Variants in HDAC9 observed in about 807,000 individuals in gnomAD.
HDAC9 encodes the protein histone deacetylase 9.
HDAC9 carries 41 observed loss-of-function variants against 139.4 expected under a neutral mutation model. The observed-to-expected ratio is 0.29, with a 90% confidence interval of 0.23 to 0.38. The LOEUF (loss-of-function observed/expected upper bound fraction) is 0.38. Among genes scored for constraint, HDAC9 ranks in the 10% least tolerant of loss-of-function variants. The pLI, the probability that HDAC9 is intolerant of heterozygous loss-of-function variation, is 1.00. For missense variants in HDAC9, 1,147 were observed against 1,297.0 expected (o/e 0.88, Z 1.78); for synonymous variants, 517 against 476.2 (o/e 1.09, Z -1.12).
At chr7:18,422,509 C>G (rs942524794) in intron 1 of HDAC9, among the ~76,000 whole-genome samples, 2 of 152,042 alleles carry the variant, frequency 1.3e-5, no homozygotes, top group African/African-American at 4.8e-5. Context: ...CAGTTTCTGT[C>G]CATGGACTAA....
chr7:18,965,583 G>A (rs1316417321), intron 24 of HDAC9, among the ~76,000 whole-genome samples: 1 of 152,198 alleles, frequency 6.6e-6, no homozygotes, highest in Non-Finnish European at 1.5e-5. Context: ...GAAAAGAAAT[G>A]AAGTGTCATT....
At chr7:18,756,082 C>A (rs914687784) in intron 14 of HDAC9, among the ~76,000 whole-genome samples, 1 of 152,000 alleles carries the variant, frequency 6.6e-6, no homozygotes, top group South Asian at 2.1e-4. Flanking sequence ...TCTGGGTGCC[C>A]AAATTGCACC....
At chr7:18,949,145 G>T in intron 23 of HDAC9, 1 of 277,152 alleles carries the variant, frequency 3.6e-6, no homozygotes, top group Non-Finnish European at 7.0e-6. Context: ...ATGGTTTTGA[G>T]TCTTTTTCAG....
chr7:18,934,436 A>G (rs892560806), intron 22 of HDAC9, among the ~76,000 whole-genome samples: 8 of 152,192 alleles, frequency 5.3e-5, no homozygotes, highest in African/African-American at 1.9e-4. Context: ...ATAATACATT[A>G]TGACCAAGCT....
At chr7:18,995,457 C>A (rs1301763979) in intron 25 of HDAC9, among the ~76,000 whole-genome samples, 1 of 152,196 alleles carries the variant, frequency 6.6e-6, no homozygotes, top group African/African-American at 2.4e-5. Flanking sequence ...GCAGATGATG[C>A]CGAATAAAAA....
At chr7:18,738,592 C>G (rs1452481407) in intron 13 of HDAC9, among the ~76,000 whole-genome samples, 1 of 152,214 alleles carries the variant, frequency 6.6e-6, no homozygotes, top group Admixed American at 6.5e-5. Context: ...TTGGCCTCCA[C>G]TCTCTTCTGG....
At chr7:18,789,311 GTCTC>G (rs562617790) in intron 16 of HDAC9, among the ~76,000 whole-genome samples, 6,253 of 112,410 alleles carry the variant, frequency 0.056, 270 homozygotes, top group African/African-American at 0.15. Context: ...CACACACACA[GTCTC>G]TCTCTCTCTC....
chr7:18,767,122 G>C lies in HDAC9; in HGVS notation c.2181G>C (p.Lys727Asn). Residue 727 changes from lysine (K) to asparagine (N), a missense_variant, in exon 16 of 26, where the codon AAG becomes AAC. Around this residue, in one of 7 missense-constraint regions of HDAC9, gnomAD observed 407 missense variants for 521.5 expected, o/e 0.78. Coordinates refer to ENST00000686413, the MANE Select transcript of HDAC9 (RefSeq NM_178425.4). ...ACTGTATAGGTGATGACTCTCAAAA[G>C]TTTTTTTCCTCATTACCTTGTGGTG... ...PRILLGDDSQ[K>N]FFSSLPCGGL... 6.4e-7 allele frequency: 1 copy of C among 1,573,004 alleles called. No individual in the cohort carries two copies. Among genetic ancestry groups the C allele is most frequent in the Non-Finnish European group, 8.7e-7 (1 of 1,154,272 alleles).
Position 18,998,900 on chromosome 7 carries a change from TAAA to T in HDAC9, c.*2841_*2843del, listed in dbSNP as rs1011171833. On this transcript the variant is annotated 3_prime_UTR_variant, in exon 26 of 26. Coordinates refer to ENST00000686413, the MANE Select transcript of HDAC9 (RefSeq NM_178425.4). ...CAAACGTAGGTATAAAAAGAAGGCT[TAAA>T]AATTAATTTTCCCAATTGTATAATT... 5.3e-5 allele frequency: 8 copies of T among 152,194 alleles called. No homozygotes were observed. Among genetic ancestry groups the T allele is most frequent in the Non-Finnish European group, 8.8e-5 (6 of 68,028 alleles). 9.4% of individuals were successfully genotyped at this position (152,194 alleles called of 1,614,324 possible). A position where few individuals can be genotyped will look rare whatever the true frequency, so the allele number is the denominator to read the frequency against.
chr7:18,964,349 C>G (rs1175026265), intron 24 of HDAC9, among the ~76,000 whole-genome samples: 1 of 152,102 alleles, frequency 6.6e-6, no homozygotes, highest in Non-Finnish European at 1.5e-5. Context: ...TTCTGATTAT[C>G]AGTTAAGATC....
intron 2 of HDAC9, among the ~76,000 whole-genome samples, chr7:18,221,789 A>G (rs1792725006): frequency 6.6e-6 from 1 of 152,084 alleles, no homozygotes; most frequent in Non-Finnish European, 1.5e-5. Context: ...TTTCTGAGGG[A>G]TATAATATCT....
chr7:18,453,021 T>G (rs771023390), intron 1 of HDAC9, among the ~76,000 whole-genome samples: 2 of 152,148 alleles, frequency 1.3e-5, no homozygotes. Context: ...TTTACCATGA[T>G]TTTGCTTTTT....
chr7:18,548,195 C>T (rs1437644531), intron 2 of HDAC9, among the ~76,000 whole-genome samples: 3 of 151,998 alleles, frequency 2.0e-5, no homozygotes, highest in Admixed American at 6.6e-5. Flanking sequence ...TCAGTGAAGT[C>T]GGAACACCAC....
intron 1 of HDAC9, among the ~76,000 whole-genome samples, chr7:18,380,514 A>C (rs145896700): frequency 6.6e-6 from 1 of 152,228 alleles, no homozygotes; most frequent in Non-Finnish European, 1.5e-5. Flanking sequence ...TTGGTGAAAC[A>C]GAAGAGAGTC....
At chr7:18,274,018 C>G (rs2108518) in intron 2 of HDAC9, among the ~76,000 whole-genome samples, 1 of 152,054 alleles carries the variant, frequency 6.6e-6, no homozygotes, top group Admixed American at 6.6e-5. Context: ...AAAATTTCAC[C>G]TATATATGTA....
At chr7:18,813,472 A>G (rs370868441) in intron 17 of HDAC9, among the ~76,000 whole-genome samples, 25 of 152,070 alleles carry the variant, frequency 1.6e-4, no homozygotes, top group Non-Finnish European at 3.4e-4. Context: ...GTTGTTTCCA[A>G]TTTTATGGGT....
chr7:18,257,243 A>G (rs879740364), intron 2 of HDAC9, among the ~76,000 whole-genome samples: 13 of 150,348 alleles, frequency 8.6e-5, no homozygotes, highest in Non-Finnish European at 1.6e-4. Context: ...AGGAGGCCTA[A>G]GTGGGTGGAT....
At chr7:18,786,792 T>C (rs1327918279) in intron 16 of HDAC9, among the ~76,000 whole-genome samples, 7 of 57,550 alleles carry the variant, frequency 1.2e-4, no homozygotes, top group Non-Finnish European at 2.2e-4. Context: ...TCTTTCTTTC[T>C]TTCTTTCCTT....
intron 2 of HDAC9, among the ~76,000 whole-genome samples, chr7:18,234,503 CTTTA>C (rs1398104724): frequency 6.6e-6 from 1 of 152,114 alleles, no homozygotes. Context: ...AGCAGCTAAC[CTTTA>C]TTTAGCTGCT....
Sources: gnomAD v4.1 joint callset for allele counts (sites outside exome capture counted in the v4.1 genomes callset) on GRCh38, gnomAD v4.1.1 for gene constraint, gnomAD v4.1.1 regional missense constraint, MANE v1.5 for transcripts, NCBI Gene and HGNC (gene_info 2026-07-23, HGNC 2026-07-21) for gene names.